Variants in MMRN2 observed in about 807,000 individuals in gnomAD.
MMRN2 encodes the protein multimerin 2, also known as multimerin-2.
In MMRN2, 53 loss-of-function variants were observed where a neutral mutation model predicts 68.8. The ratio of observed to expected loss-of-function variants is 0.77; its 90% CI spans 0.62 to 0.97. MMRN2 has a LOEUF of 0.97. Among genes scored for constraint, MMRN2 ranks in the 50% least tolerant of loss-of-function variants. The pLI is 0.00. For synonymous variants in MMRN2, 564 were observed against 551.6 expected (o/e 1.02, Z -0.32); for missense variants, 1,266 against 1,259.5 (o/e 1.01, Z -0.08).
chr10:86,957,089 C>A (rs1196562303), intron 1 of MMRN2, among the ~76,000 whole-genome samples: 1 of 152,198 alleles, frequency 6.6e-6, no homozygotes, highest in Non-Finnish European at 1.5e-5. Context: ...CAGCCACAGT[C>A]CCCCAGTGCC....
chr10:86,939,507 T>TCAGAG (rs1843928666), intron 6 of MMRN2, among the ~76,000 whole-genome samples: 1 of 140,560 alleles, frequency 7.1e-6, no homozygotes, highest in Non-Finnish European at 1.5e-5. Flanking sequence ...TGTGCCCAAG[T>TCAGAG]CAGAGGCCGG....
chr10:86,940,951 C>T (rs1461992710), intron 6 of MMRN2, among the ~76,000 whole-genome samples: 2 of 152,240 alleles, frequency 1.3e-5, no homozygotes, highest in African/African-American at 2.4e-5. Context: ...AGCTCCCAGG[C>T]CCAGGGCCCT....
chr10:86,943,313 C>G lies in MMRN2; in HGVS notation c.1471G>C (p.Asp491His). 6.2e-7 allele frequency: 1 copy of G among 1,613,854 alleles called. No individual in the cohort carries two copies. The highest frequency in any genetic ancestry group is 8.5e-7 in the Non-Finnish European group (1 of 1,180,002). Residue 491 changes from aspartate (D) to histidine (H), a missense_variant, in exon 6 of 7, where the codon GAC becomes CAC. By Grantham distance (81) the Asp-to-His change is moderately conservative. Transcript: ENST00000372027. This position sits in a 1 kb window ranked among gnomAD's most constrained non-coding sequence, Gnocchi z 4.2. Reference sequence around the variant, plus strand: ...AAATAGAGCTTCTGGCAATTGCAGTCCTTCACGTACTTGATGAGGTCGGCA... The same window carrying G: ...AAATAGAGCTTCTGGCAATTGCAGTGCTTCACGTACTTGATGAGGTCGGCA... ...GHADLIKYVK[D>H]CNCQKLYLDL... is the part of the protein sequence containing the mutation.
chr10:86,940,715 C>T lies in MMRN2; in HGVS notation c.2467+1602G>A, dbSNP rs572254552. 8.5e-5 allele frequency among the ~76,000 whole-genome samples: 13 copies of T among 152,318 alleles called. No individual in the cohort carries two copies. The South Asian group carries it at 2.1e-3, about 24-fold the overall frequency. On this transcript the variant is annotated intron_variant, in intron 6 of 6. Transcript: ENST00000372027. ...CAGCTGGGGCAGGGGCTGCCTGGGACGGGACCTTCAACAAGGCCTTGGACT... is the reference window on the plus strand; with the variant it reads ...CAGCTGGGGCAGGGGCTGCCTGGGATGGGACCTTCAACAAGGCCTTGGACT...
intron 1 of MMRN2, among the ~76,000 whole-genome samples, chr10:86,954,832 C>CGGGGGT (rs1844195810): frequency 2.2e-5 from 1 of 46,024 alleles, no homozygotes; most frequent in South Asian, 5.3e-4. Flanking sequence ...CGGCAGGGGT[C>CGGGGGT]GGGGGTGGGG....
rs774384405 is a variant in MMRN2, at chr10:86,936,947, T to G, written c.2646A>C (p.Pro882=). The G allele has an allele frequency of 2.5e-6, 4 of 1,614,216 alleles. No individual in the cohort carries two copies. The South Asian group carries it at 4.4e-5, about 18-fold the overall frequency. The change falls in exon 7 of 7, where the codon CCA becomes CCC. Residue 882 remains proline, a synonymous_variant. Coordinates refer to ENST00000372027, the MANE Select transcript of MMRN2 (RefSeq NM_024756.3). Reference sequence around the variant, plus strand: ...CTCCAAACACCAGCTGCCCGGTGCCTGGCCCTGGGCCAAATTCAACGCTCA... The same window carrying G: ...CTCCAAACACCAGCTGCCCGGTGCCGGGCCCTGGGCCAAATTCAACGCTCA... ...FAVSVEFGPG[P]GTGQLVFGGH...
intron 1 of MMRN2, chr10:86,945,951 C>T (rs1469934065): frequency 2.4e-6 from 2 of 841,628 alleles, no homozygotes; most frequent in Non-Finnish European, 3.4e-6. Flanking sequence ...AAACCCACCA[C>T]AATCTAGAAC....
Position 86,943,135 on chromosome 10 carries a change from T to A in MMRN2, c.1649A>T (p.His550Leu). 1 of 1,581,926 alleles carries A rather than the reference T, an allele frequency of 6.3e-7. No individual in the cohort carries two copies. The highest frequency in any genetic ancestry group is 8.6e-7 in the Non-Finnish European group (1 of 1,167,576). ...VDAVSLAVDA[H>L]KAEGERARAA... ...CCGCGCCCGCTCGCCCTCCGCTTTG[T>A]GCGCGTCCACGGCCAGCGACACGGC... The change falls in exon 6 of 7, where the codon CAC (histidine) becomes CTC (leucine). Residue 550 changes from histidine to leucine, a missense_variant. Transcript: ENST00000372027. This position sits in a 1 kb window ranked among gnomAD's most constrained non-coding sequence, Gnocchi z 4.2.
In MMRN2 at chr10:86,936,981, A is replaced by C; in HGVS notation, c.2612T>G (p.Leu871Arg). ...YFRAPERGVY[L>R]FAVSVEFGPG... The stretch of plus-strand genomic sequence containing the variant: ...GCCAAATTCAACGCTCACTGCAAAC[A>C]GGTAGACACCACGCTCAGGGGCTCG... Residue 871 changes from leucine to arginine, a missense_variant, in exon 7 of 7, where the codon CTG (leucine) becomes CGG (arginine). Leu to Arg is a moderately radical substitution (Grantham distance 102). Coordinates refer to ENST00000372027, the MANE Select transcript of MMRN2 (RefSeq NM_024756.3). 1 of 1,614,180 alleles carries C rather than the reference A, an allele frequency of 6.2e-7. No homozygotes were observed. The highest frequency in any genetic ancestry group is 2.2e-5 in the East Asian group (1 of 44,882).
At position 86,943,412 on chromosome 10, in the gene MMRN2, C is replaced by T; in HGVS notation, c.1372G>A (p.Glu458Lys). 6.2e-7 allele frequency: 1 copy of T among 1,614,036 alleles called. No homozygotes were observed. The highest frequency in any genetic ancestry group is 8.5e-7 in the Non-Finnish European group (1 of 1,179,976). Residue 458 changes from glutamate (E) to lysine (K), a missense_variant, in exon 6 of 7, where the codon GAG (glutamate) becomes AAG (lysine). Transcript: ENST00000372027. The surrounding 1 kb of genome is among the most constrained non-coding windows in gnomAD (Gnocchi z 4.2). ...CGCTCCACCTCCTCCTTGTTCTCCT[C>T]CATGATCAGAGACTTCTCCATCAGG... ...VILMEKSLIMEENKEEVERQL... is the reference protein window; with the variant it reads ...VILMEKSLIMKENKEEVERQL...
At chr10:86,941,536 A>G (rs1480245242) in intron 6 of MMRN2, among the ~76,000 whole-genome samples, 1 of 152,084 alleles carries the variant, frequency 6.6e-6, no homozygotes, top group African/African-American at 2.4e-5. Flanking sequence ...CATGGCTCAC[A>G]CCTGTAATCC....
rs113215807 is a variant in MMRN2, at chr10:86,949,894, G to GATAATA, written c.165-4211_165-4206dup. On this transcript the variant is annotated intron_variant, in intron 1 of 6. Coordinates refer to ENST00000372027, the MANE Select transcript of MMRN2 (RefSeq NM_024756.3). ...CCGTCTCAATAATAATAATAATAAT[G>GATAATA]ATAATAATAATAATAATAATAGTCT... 914 of 144,178 alleles carry GATAATA rather than the reference G, an allele frequency of 6.3e-3. 4 individuals are homozygous for GATAATA. Among genetic ancestry groups the GATAATA allele is most frequent in the Non-Finnish European group, 7.1e-3 (472 of 66,690 alleles). 8.9% of individuals were successfully genotyped at this position (144,178 alleles called of 1,614,324 possible).
At position 86,943,094 on chromosome 10, in the gene MMRN2, G is replaced by T; in HGVS notation, c.1690C>A (p.Leu564Ile). 1 of 1,455,896 alleles carries T rather than the reference G, an allele frequency of 6.9e-7. No homozygotes were observed. The highest frequency in any genetic ancestry group is 9.0e-7 in the Non-Finnish European group (1 of 1,113,252). 90.2% of individuals were successfully genotyped at this position (1,455,896 alleles called of 1,614,324 possible). A position where few individuals can be genotyped will look rare whatever the true frequency, so the allele number is the denominator to read the frequency against. The part of the protein sequence containing the change: ...GERARAATSR[L>I]RSQVQALDDE... ...TCCAGCGCCTGCACTTGGCTCCGGA[G>T]CCGCGACGTGGCCGCCCGCGCCCGC... is the stretch of plus-strand genomic sequence containing the variant. Residue 564 changes from leucine to isoleucine, a missense_variant, in exon 6 of 7, where the codon CTC becomes ATC. By Grantham distance (5) the Leu-to-Ile change is conservative. Transcript: ENST00000372027. The surrounding 1 kb of genome is among the most constrained non-coding windows in gnomAD (Gnocchi z 4.2).
Position 86,942,705 on chromosome 10 carries a change from G to A in MMRN2, c.2079C>T (p.Ala693=), listed in dbSNP as rs1843992458. 6.6e-7 allele frequency: 1 copy of A among 1,510,994 alleles called. No individual in the cohort carries two copies. The highest frequency in any genetic ancestry group is 1.4e-5 in the African/African-American group (1 of 70,968). 93.6% of individuals were successfully genotyped at this position (1,510,994 alleles called of 1,614,324 possible). A position where few individuals can be genotyped will look rare whatever the true frequency, so the allele number is the denominator to read the frequency against. Residue 693 remains alanine, a synonymous_variant, in exon 6 of 7, where the codon GCC becomes GCT. Coordinates refer to ENST00000372027, the MANE Select transcript of MMRN2 (RefSeq NM_024756.3). ...GGAGCTCCCGCGCCAGCCCGGCCAG[G>A]GCGGTGGTGGCGGCCTCCTCGCGGC... The part of the protein sequence containing the change: ...DAGREEAATT[A]LAGLARELQS...
chr10:86,937,134 T>A lies in MMRN2; in HGVS notation c.2468-9A>T, dbSNP rs1352141123. ...GAAGGCCACAGGGGATCCTGAAACA[T>A]AACAGGACAGTGCTTAGTGATTCAT... is the stretch of plus-strand genomic sequence containing the variant. On this transcript the variant is annotated splice_polypyrimidine_tract_variant and intron_variant, in intron 6 of 6. Coordinates refer to ENST00000372027, the MANE Select transcript of MMRN2 (RefSeq NM_024756.3). The A allele has an allele frequency of 6.2e-7, 1 of 1,613,346 alleles. No homozygotes were observed. The highest frequency in any genetic ancestry group is 1.7e-5 in the Admixed American group (1 of 59,998).
intron 6 of MMRN2, among the ~76,000 whole-genome samples, chr10:86,940,623 G>C (rs1843952950): frequency 6.6e-6 from 1 of 152,254 alleles, no homozygotes; most frequent in South Asian, 2.1e-4. Context: ...GGAAGAAACA[G>C]ACAAGTGATG....
chr10:86,948,224 C>CAAAA (rs57877767), intron 1 of MMRN2, among the ~76,000 whole-genome samples: 3 of 98,850 alleles, frequency 3.0e-5, no homozygotes, highest in African/African-American at 1.1e-4. Flanking sequence ...AACCCTATCT[C>CAAAA]AAAAAAAAAA....
At position 86,939,159 on chromosome 10, in the gene MMRN2, TCA is replaced by T. The variant is rs1491300756; in HGVS notation, c.2468-2036_2468-2035del. Among the ~76,000 whole-genome samples the T allele has an allele frequency of 4.2e-4, 16 of 38,030 alleles. 1 individual carries two copies. Among genetic ancestry groups the T allele is most frequent in the African/African-American group, 2.0e-3 (15 of 7,614 alleles). 24.9% of individuals were successfully genotyped at this position (38,030 alleles called of 152,430 possible). Reference sequence around the variant, plus strand: ...CCTGGGCAACGAGAGTGAAACTCCGTCAAAAAAAAAAAAAAAAAAAAATGCCG... The same window carrying T: ...CCTGGGCAACGAGAGTGAAACTCCGTAAAAAAAAAAAAAAAAAAAATGCCG... On this transcript the variant is annotated intron_variant, in intron 6 of 6. Transcript: ENST00000372027.
chr10:86,937,788 A>G (rs893922444), intron 6 of MMRN2, among the ~76,000 whole-genome samples: 9 of 152,172 alleles, frequency 5.9e-5, no homozygotes, highest in African/African-American at 2.2e-4. Context: ...GGAGAGGGAG[A>G]AAATATCCAT....
Sources: gnomAD v4.1 joint callset for allele counts (sites outside exome capture counted in the v4.1 genomes callset) on GRCh38, gnomAD v4.1.1 for gene constraint, Gnocchi (gnomAD v3.1) non-coding constraint, MANE v1.5 for transcripts, NCBI Gene and HGNC (gene_info 2026-07-23, HGNC 2026-07-21) for gene names.